The following ADAMTS7 variants were observed in gnomAD, a reference collection of about 807,000 sequenced individuals.
The protein encoded by ADAMTS7 is ADAM metallopeptidase with thrombospondin type 1 motif 7.
Under a neutral mutation model 172.6 loss-of-function variants are expected in ADAMTS7, and 89 were observed. The ratio of observed to expected loss-of-function variants is 0.52; its 90% confidence interval spans 0.43 to 0.61. The LOEUF is 0.61. ADAMTS7 is among the 20% of genes least tolerant of loss of function. The pLI is 0.00. For missense variants in ADAMTS7, 1,973 were observed against 2,355.6 expected, an observed-to-expected ratio of 0.84 and a Z score of 3.36; for synonymous variants, 885 against 978.4, an observed-to-expected ratio of 0.90 and a Z score of 1.78.
At chr15:78,805,026 G>A (rs923347449) in intron 1 of ADAMTS7, among the ~76,000 whole-genome samples, 24 of 152,224 alleles carry the variant, frequency 1.6e-4, no homozygotes, top group African/African-American at 5.8e-4. Flanking sequence ...AAAAACTGCA[G>A]ATGCCCAGGA....
At position 78,811,370 on chromosome 15, in the gene ADAMTS7, G is replaced by T. The variant is rs1013749668; in HGVS notation, c.-150C>A. The T allele has an allele frequency of 2.0e-6, 2 of 985,354 alleles. No individual in the cohort carries two copies. The highest frequency in any genetic ancestry group is 2.6e-6 in the Non-Finnish European group (2 of 768,640). 61.0% of individuals were successfully genotyped at this position (985,354 alleles called of 1,614,324 possible). A position where few individuals can be genotyped will look rare whatever the true frequency, so the allele number is the denominator to read the frequency against. ...GCCCCGACTCCGTTCGGCTGCGCTC[G>T]GTCCGCGGGCAACAAAGGCTGCAGG... On this transcript the variant is annotated 5_prime_UTR_variant, in exon 1 of 24. Coordinates refer to ENST00000388820, the MANE Select transcript of ADAMTS7 (RefSeq NM_014272.5).
intron 23 of ADAMTS7, among the ~76,000 whole-genome samples, chr15:78,761,759 T>TGC (rs1278289849): frequency 6.6e-6 from 1 of 151,844 alleles, no homozygotes; most frequent in East Asian, 1.9e-4. Context: ...TGTGTGTGTG[T>TGC]GCGCGCACGC....
Position 78,771,235 on chromosome 15 carries a change from G to A in ADAMTS7, c.2445C>T (p.His815=), listed in dbSNP as rs368551292. The change falls in exon 16 of 24, where the codon CAC becomes CAT. Residue 815 remains histidine (H), a synonymous_variant. Coordinates refer to ENST00000388820, the MANE Select transcript of ADAMTS7 (RefSeq NM_014272.5). This position sits in a 1 kb window ranked among gnomAD's most constrained non-coding sequence, Gnocchi z 4.9. Reference sequence around the variant, plus strand: ...AGAACACGGGCGGCGGGACCTCGTCGTGGCCACCTGCCTCCCTGTGGATGG... The same window carrying A: ...AGAACACGGGCGGCGGGACCTCGTCATGGCCACCTGCCTCCCTGTGGATGG... The part of the protein sequence containing the change: ...EYTIHREAGG[H]DEVPPPVFSW... The A allele has an allele frequency of 1.1e-5, 18 of 1,612,124 alleles. No homozygotes were observed. Among genetic ancestry groups the A allele is most frequent in the African/African-American group, 4.0e-5 (3 of 74,960 alleles).
At chr15:78,770,871 T>C in intron 16 of ADAMTS7, 1 of 435,682 alleles carries the variant, frequency 2.3e-6, no homozygotes, top group Non-Finnish European at 4.2e-6. Context: ...GAGGGGCCAC[T>C]GGACTGGTCT....
rs575740038 is a variant in ADAMTS7, at chr15:78,783,345, C to G, written c.1322+4886G>C. On this transcript the variant is annotated intron_variant, in intron 8 of 23. Transcript: ENST00000388820. ...AGTACAGTGGCGCAATCTCAGTTCA[C>G]TGCAGCCTCTGCCTCCCGGGTTCAA... 5.3e-5 allele frequency among the ~76,000 whole-genome samples: 8 copies of G among 152,344 alleles called. No individual in the cohort carries two copies. In the East Asian group the frequency reaches 1.5e-3, roughly 29 times the overall value.
intron 11 of ADAMTS7, among the ~76,000 whole-genome samples, chr15:78,775,799 T>C (rs1021609217): frequency 6.6e-6 from 1 of 152,176 alleles, no homozygotes; most frequent in African/African-American, 2.4e-5. Context: ...GGCACTGCTA[T>C]TATACAGATG....
At position 78,774,235 on chromosome 15, in the gene ADAMTS7, C is replaced by A; in HGVS notation, c.1942G>T (p.Val648Leu). 1 of 1,585,372 alleles carries A rather than the reference C, an allele frequency of 6.3e-7. No homozygotes were observed. Among genetic ancestry groups the A allele is most frequent in the South Asian group, 1.1e-5 (1 of 88,680 alleles). ...EYFAEKLRDA[V>L]VDGTPCYQVR... ...TGGTAGCAGGGGGTGCCATCGACCA[C>A]GGCGTCCCGCAGCTTCTCGGCAAAG... Residue 648 changes from valine to leucine, a missense_variant, in exon 13 of 24, where the codon GTG (valine) becomes TTG (leucine). Val to Leu is a conservative substitution (Grantham distance 32). This residue lies in a region of ADAMTS7 where 526 missense variants were observed against 662.9 expected (regional missense o/e 0.79). Coordinates refer to ENST00000388820, the MANE Select transcript of ADAMTS7 (RefSeq NM_014272.5).
chr15:78,762,181 T>G, intron 23 of ADAMTS7: 1 of 798,492 alleles, frequency 1.3e-6, no homozygotes, highest in Non-Finnish European at 1.5e-6. Context: ...GCCTATGGGA[T>G]GTTGTGTGGC....
At chr15:78,773,309 C>T (rs1292919276) in intron 13 of ADAMTS7, 106 bp from the exon 14 acceptor site, 13 of 1,103,882 alleles carry the variant, frequency 1.2e-5, no homozygotes, top group Middle Eastern at 2.8e-4. Flanking sequence ...GAGTTGGGGT[C>T]GGGAGGCCTC....
At chr15:78,802,016 T>G (rs1403739233) in intron 1 of ADAMTS7, among the ~76,000 whole-genome samples, 3 of 151,998 alleles carry the variant, frequency 2.0e-5, no homozygotes, top group Non-Finnish European at 4.4e-5. Context: ...TATTTTTTTT[T>G]GTAGAGATGG....
chr15:78,778,310 G>T (rs1355203485), intron 8 of ADAMTS7, among the ~76,000 whole-genome samples: 3 of 152,262 alleles, frequency 2.0e-5, no homozygotes, highest in Non-Finnish European at 4.4e-5. Flanking sequence ...CATGAGGCAG[G>T]AAGCATGGAA....
intron 16 of ADAMTS7, among the ~76,000 whole-genome samples, chr15:78,769,023 G>C (rs2055205278): frequency 6.6e-6 from 1 of 152,120 alleles, no homozygotes; most frequent in African/African-American, 2.4e-5. Context: ...CGCTGCCTGA[G>C]CCTTCAGGGC....
intron 3 of ADAMTS7, among the ~76,000 whole-genome samples, chr15:78,797,340 G>A (rs1255855636): frequency 6.6e-6 from 1 of 152,254 alleles, no homozygotes; most frequent in African/African-American, 2.4e-5. Context: ...GCATGCCTCT[G>A]TGGATATGTG....
chr15:78,772,671 G>T (rs939461198), intron 14 of ADAMTS7, among the ~76,000 whole-genome samples: 3 of 152,256 alleles, frequency 2.0e-5, no homozygotes, highest in Admixed American at 2.0e-4. Context: ...ACACCAAAAG[G>T]TTCTGTCCCC....
At chr15:78,801,650 T>C (rs1205251663) in intron 1 of ADAMTS7, among the ~76,000 whole-genome samples, 1 of 151,818 alleles carries the variant, frequency 6.6e-6, no homozygotes, top group Non-Finnish European at 1.5e-5. Flanking sequence ...CCCAGTGTAG[T>C]CTAGGAAGGC....
At chr15:78,772,105 C>G (rs2055261265) in intron 14 of ADAMTS7, among the ~76,000 whole-genome samples, 1 of 152,154 alleles carries the variant, frequency 6.6e-6, no homozygotes, top group African/African-American at 2.4e-5. Context: ...TAAGGGCTGG[C>G]TGGCATCTTC....
rs928190879 is a variant in ADAMTS7 at position 78,790,875 on chromosome 15, G to A, written c.904-81C>T. The A allele has an allele frequency of 1.5e-5, 24 of 1,580,996 alleles. No individual in the cohort carries two copies. In the African/African-American group the frequency reaches 2.2e-4, roughly 14 times the overall value. Reference sequence around the variant, plus strand: ...CCCAATTCTCCCCCATACGAAGGCAGGAGACAGAGGCCCAGCAGGGAAGTG... The same window carrying A: ...CCCAATTCTCCCCCATACGAAGGCAAGAGACAGAGGCCCAGCAGGGAAGTG... On this transcript the variant is annotated intron_variant, in intron 5 of 23. Transcript: ENST00000388820.
chr15:78,775,377 A>G (rs1456530407), intron 11 of ADAMTS7, among the ~76,000 whole-genome samples: 2 of 152,172 alleles, frequency 1.3e-5, no homozygotes, highest in African/African-American at 4.8e-5. Context: ...CCTGGAGGCC[A>G]GGAGGCAGGG....
chr15:78,789,560 G>A, intron 7 of ADAMTS7, 129 bp downstream of exon 7: 2 of 1,322,940 alleles, frequency 1.5e-6, no homozygotes, highest in South Asian at 1.4e-5. Context: ...CACATGGCCA[G>A]TCAGGGCTCC....
Sources: gnomAD v4.1 joint callset for allele counts (sites outside exome capture counted in the v4.1 genomes callset) on GRCh38, gnomAD v4.1.1 for gene constraint, gnomAD v4.1.1 regional missense constraint, Gnocchi (gnomAD v3.1) non-coding constraint, MANE v1.5 for transcripts, NCBI Gene and HGNC (gene_info 2026-07-23, HGNC 2026-07-21) for gene names.